The following PCED1B variants were observed in gnomAD, a reference collection of about 807,000 sequenced individuals.
PCED1B encodes the protein PC-esterase domain containing 1B.
For missense variants in PCED1B, 573 were observed against 573.9 expected (o/e 1.00, Z 0.02); for synonymous variants, 251 against 246.1 (o/e 1.02, Z -0.19).
intron 1 of PCED1B, among the ~76,000 whole-genome samples, chr12:47,089,134 G>A (rs1938127982): frequency 1.3e-5 from 2 of 151,956 alleles, no homozygotes; most frequent in African/African-American, 4.8e-5. Context: ...TTTACACATG[G>A]AGAGGGACTT....
chr12:47,156,611 T>C (rs900745052), intron 2 of PCED1B, among the ~76,000 whole-genome samples: 2 of 151,942 alleles, frequency 1.3e-5, no homozygotes, highest in African/African-American at 4.8e-5. Context: ...GAACCTATTC[T>C]AGCCCCAACT....
intron 3 of PCED1B, among the ~76,000 whole-genome samples, chr12:47,219,461 T>C (rs944909276): frequency 6.6e-6 from 1 of 152,226 alleles, no homozygotes; most frequent in Non-Finnish European, 1.5e-5. Flanking sequence ...ATCCAACCTG[T>C]TCATCAGTTG....
chr12:47,220,216 A>C (rs1415311797), intron 3 of PCED1B, among the ~76,000 whole-genome samples: 1 of 152,092 alleles, frequency 6.6e-6, no homozygotes, highest in Non-Finnish European at 1.5e-5. Context: ...CTATTGTCCA[A>C]GCTGGAGTGC....
chr12:47,088,182 C>T (rs1938079249), intron 1 of PCED1B, among the ~76,000 whole-genome samples: 1 of 152,210 alleles, frequency 6.6e-6, no homozygotes, highest in Non-Finnish European at 1.5e-5. Context: ...CCTTATTGCC[C>T]TTGTGCCTTG....
chr12:47,171,863 TCTC>T (rs1224006666), intron 2 of PCED1B, among the ~76,000 whole-genome samples: 1 of 151,250 alleles, frequency 6.6e-6, no homozygotes, highest in African/African-American at 2.4e-5. Context: ...TTCTTCTTCT[TCTC>T]CTTCTTCTTC....
intron 2 of PCED1B, among the ~76,000 whole-genome samples, chr12:47,134,097 G>C (rs866180670): frequency 1.3e-5 from 2 of 152,316 alleles, no homozygotes; most frequent in African/African-American, 2.4e-5. Flanking sequence ...AATGAACTAA[G>C]ATAGTCCCTG....
chr12:47,195,328 C>CCAA (rs1942571761), intron 2 of PCED1B, among the ~76,000 whole-genome samples: 1 of 136,196 alleles, frequency 7.3e-6, no homozygotes, highest in African/African-American at 2.7e-5. Flanking sequence ...GTCTCTGTCT[C>CCAA]AAAAAAAAAA....
chr12:47,124,072 C>T (rs1939787395), intron 2 of PCED1B, among the ~76,000 whole-genome samples: 1 of 151,968 alleles, frequency 6.6e-6, no homozygotes, highest in African/African-American at 2.4e-5. Flanking sequence ...TCTAACTTGA[C>T]AAGTTTTCAC....
chr12:47,130,906 A>G (rs954937239), intron 2 of PCED1B, among the ~76,000 whole-genome samples: 2 of 152,198 alleles, frequency 1.3e-5, no homozygotes, highest in African/African-American at 2.4e-5. Flanking sequence ...AGTAAAAGTT[A>G]TATTAATCAG....
chr12:47,221,132 A>T (rs952490836), intron 3 of PCED1B, among the ~76,000 whole-genome samples: 2 of 152,284 alleles, frequency 1.3e-5, no homozygotes, highest in South Asian at 2.1e-4. Context: ...ACCAATTAAA[A>T]AATAATGTTT....
chr12:47,145,520 A>T (rs1940752515), intron 2 of PCED1B, among the ~76,000 whole-genome samples: 1 of 152,332 alleles, frequency 6.6e-6, no homozygotes, highest in South Asian at 2.1e-4. Flanking sequence ...CTAACTTCAA[A>T]GCTTCAAAGG....
intron 3 of PCED1B, among the ~76,000 whole-genome samples, chr12:47,225,394 A>C (rs762301062): frequency 6.6e-6 from 1 of 152,204 alleles, no homozygotes; most frequent in Non-Finnish European, 1.5e-5. Flanking sequence ...ACTTGCCTCA[A>C]ATCAAAATAT....
intron 2 of PCED1B, among the ~76,000 whole-genome samples, chr12:47,190,158 G>T (rs371757661): frequency 3.3e-5 from 5 of 152,202 alleles, no homozygotes; most frequent in Non-Finnish European, 7.3e-5. Context: ...GCATTAGTTC[G>T]TGTAATCCTG....
At chr12:47,138,450 T>C (rs903731919) in intron 2 of PCED1B, 2 of 152,228 alleles carry the variant, frequency 1.3e-5, no homozygotes, top group African/African-American at 4.8e-5. Flanking sequence ...AAGCAAGTAA[T>C]CTGATTTTGG....
chr12:47,115,333 A>C (rs1939370501), intron 2 of PCED1B, among the ~76,000 whole-genome samples: 1 of 152,070 alleles, frequency 6.6e-6, no homozygotes, highest in East Asian at 1.9e-4. Flanking sequence ...CACTCCTGCT[A>C]TTGTGGTTTC....
At position 47,172,473 on chromosome 12, in the gene PCED1B, C is replaced by T. The variant is rs150521137; in HGVS notation, c.-525-43749C>T. Among the ~76,000 whole-genome samples, 506 of 150,800 alleles carry T rather than the reference C, an allele frequency of 3.4e-3. 8 individuals carry two copies. The South Asian group carries it at 0.041, about 12-fold the overall frequency. ...CCTGGGTGACAGGGTGAGACCCTATCTCAAAAAGAAATTCTGATCAAGGAA... is the reference window on the plus strand; with the variant it reads ...CCTGGGTGACAGGGTGAGACCCTATTTCAAAAAGAAATTCTGATCAAGGAA... On this transcript the variant is annotated intron_variant, in intron 2 of 3. Transcript: ENST00000546455.
intron 1 of PCED1B, among the ~76,000 whole-genome samples, chr12:47,089,461 C>CATACAT (rs1938155457): frequency 6.3e-5 from 4 of 63,396 alleles, no homozygotes; most frequent in Non-Finnish European, 1.2e-4. Context: ...AAAAAAAATA[C>CATACAT]ATATATATAT....
chr12:47,179,611 T>C (rs1458232033), intron 2 of PCED1B, among the ~76,000 whole-genome samples: 2 of 152,238 alleles, frequency 1.3e-5, no homozygotes, highest in Non-Finnish European at 2.9e-5. Flanking sequence ...ACTAATATTA[T>C]GTTGATGATT....
At chr12:47,095,724 TA>T (rs908510404) in intron 1 of PCED1B, among the ~76,000 whole-genome samples, 2 of 152,262 alleles carry the variant, frequency 1.3e-5, no homozygotes, top group Admixed American at 1.3e-4. Context: ...TAATTTCAAA[TA>T]TTTTTTCAGT....
Sources: gnomAD v4.1 joint callset for allele counts (sites outside exome capture counted in the v4.1 genomes callset) on GRCh38, gnomAD v4.1.1 for gene constraint, MANE v1.5 for transcripts, NCBI Gene and HGNC (gene_info 2026-07-23, HGNC 2026-07-21) for gene names.